Variants in PIN4 observed in about 807,000 individuals in gnomAD.
PIN4 encodes the protein peptidyl-prolyl cis-trans isomerase NIMA-interacting 4.
Under a neutral mutation model 8.3 loss-of-function variants are expected in PIN4, and 3 were observed. The observed-to-expected ratio is 0.36, with a 90% CI of 0.16 to 0.93. The LOEUF (loss-of-function observed/expected upper bound fraction) is 0.93. PIN4 is among the 40% of genes least tolerant of loss of function. PIN4 has a pLI of 0.44. For missense variants in PIN4, 75 were observed against 100.6 expected, an observed-to-expected ratio of 0.75 and a Z score of 1.09; for synonymous variants, 18 against 32.5, an observed-to-expected ratio of 0.55 and a Z score of 1.52.
chrX:72,258,554 A>G (rs1215402216), intron 3 of PIN4, among the ~76,000 whole-genome samples: 1 of 111,124 alleles, frequency 9.0e-6, no homozygotes, highest in Admixed American at 9.6e-5. Flanking sequence ...TCCCCTTTAT[A>G]TGGGACTGTT....
intron 3 of PIN4, among the ~76,000 whole-genome samples, chrX:72,231,465 A>T (rs1388373943): frequency 8.9e-6 from 1 of 111,787 alleles, no homozygotes; most frequent in Non-Finnish European, 1.9e-5. Context: ...TCAGTTAAAC[A>T]GGAGGAATAG....
intron 3 of PIN4, among the ~76,000 whole-genome samples, chrX:72,235,714 C>G (rs2043013751): frequency 1.8e-5 from 2 of 111,857 alleles, no homozygotes; most frequent in Non-Finnish European, 3.8e-5. Flanking sequence ...TTTAAGCACC[C>G]TGTGATTACA....
intron 1 of PIN4, among the ~76,000 whole-genome samples, chrX:72,184,292 A>T (rs2042687710): frequency 1.8e-5 from 2 of 111,912 alleles, no homozygotes; most frequent in Admixed American, 9.5e-5. Context: ...ACTGGGGTCA[A>T]GGGAGAGGTT....
In PIN4 at chrX:72,197,352, C is replaced by T; in HGVS notation, c.238-16C>T. ...TTCTGGGCCACTTGATATCACTTAT[C>T]TTTTGGGTTTTTCAGGGTGACTTGG... On this transcript the variant is annotated splice_polypyrimidine_tract_variant and intron_variant, in intron 3 of 3. Coordinates refer to ENST00000373669, the MANE Select transcript of PIN4 (RefSeq NM_006223.4). The T allele has an allele frequency of 8.4e-7, 1 of 1,192,969 alleles. No individual in the cohort carries two copies. Among genetic ancestry groups the T allele is most frequent in the Non-Finnish European group, 1.1e-6 (1 of 883,743 alleles).
At chrX:72,205,801 C>T (rs763231109) in intron 3 of PIN4, 2 of 1,212,079 alleles carry the variant, frequency 1.7e-6, no homozygotes, top group Non-Finnish European at 1.1e-6. Flanking sequence ...AAACCCTGCT[C>T]TGGAATTAGG....
chrX:72,189,645 C>G (rs1357707373), intron 2 of PIN4, among the ~76,000 whole-genome samples: 1 of 111,622 alleles, frequency 9.0e-6, no homozygotes, highest in Non-Finnish European at 1.9e-5. Context: ...ACATGACACT[C>G]AAAGTAAATG....
At chrX:72,261,052 C>G (rs756804080) in intron 3 of PIN4, among the ~76,000 whole-genome samples, 25 of 111,641 alleles carry the variant, frequency 2.2e-4, no homozygotes, top group Non-Finnish European at 3.8e-4. Flanking sequence ...AATCCCAACA[C>G]TTTGGGAGGC....
At chrX:72,181,881 A>G (rs1473325414) in intron 1 of PIN4, 53 bp downstream of exon 1, 1 of 736,184 alleles carries the variant, frequency 1.4e-6, no homozygotes, top group East Asian at 3.4e-5. Flanking sequence ...GAGCGAAGGG[A>G]GGGAACAGAC....
chrX:72,262,550 T>G (rs1227574995), intron 3 of PIN4, among the ~76,000 whole-genome samples: 1 of 112,503 alleles, frequency 8.9e-6, no homozygotes, highest in Non-Finnish European at 1.9e-5. Context: ...GGGCTGCATG[T>G]AGCACTTAAT....
chrX:72,251,032 G>A (rs1199749438), intron 3 of PIN4, among the ~76,000 whole-genome samples: 1 of 104,795 alleles, frequency 9.5e-6, no homozygotes, highest in African/African-American at 3.4e-5. Context: ...GAGCCACCAC[G>A]CCCGGCCTGG....
downstream of PIN4, among the ~76,000 whole-genome samples, chrX:72,198,510 C>T (rs2042777730): frequency 8.9e-6 from 1 of 112,257 alleles, no homozygotes; most frequent in African/African-American, 3.2e-5. Flanking sequence ...ATTTTCCCCA[C>T]GGAGCAGATA....
At chrX:72,246,064 G>A (rs1333258093) in intron 3 of PIN4, among the ~76,000 whole-genome samples, 1 of 111,075 alleles carries the variant, frequency 9.0e-6, no homozygotes, top group Non-Finnish European at 1.9e-5. Context: ...ATGGCAAAAT[G>A]GCTATAGGAC....
chrX:72,183,630 G>A (rs977773199), intron 1 of PIN4, among the ~76,000 whole-genome samples: 4 of 112,100 alleles, frequency 3.6e-5, no homozygotes, highest in Non-Finnish European at 7.5e-5. Flanking sequence ...CGTGACTAGA[G>A]AACTGACTGG....
intron 3 of PIN4, chrX:72,238,972 G>T: frequency 9.7e-7 from 1 of 1,032,364 alleles, no homozygotes; most frequent in Non-Finnish European, 1.3e-6. Flanking sequence ...CTTGGAGCTT[G>T]GAGCTTGGAG....
At chrX:72,190,508 G>C (rs991141510) in intron 2 of PIN4, among the ~76,000 whole-genome samples, 1 of 111,731 alleles carries the variant, frequency 9.0e-6, no homozygotes, top group African/African-American at 3.3e-5. Flanking sequence ...CCTTGAAAAC[G>C]TCTAGCTGGG....
chrX:72,226,998 G>T (rs929311063), intron 3 of PIN4, among the ~76,000 whole-genome samples: 3 of 111,787 alleles, frequency 2.7e-5, no homozygotes, highest in African/African-American at 6.5e-5. Context: ...CTTGCCAAAA[G>T]GCTTCACCCT....
At chrX:72,184,986 C>T (rs1423747173) in intron 1 of PIN4, among the ~76,000 whole-genome samples, 7 of 107,280 alleles carry the variant, frequency 6.5e-5, no homozygotes, top group Non-Finnish European at 1.2e-4. Context: ...ACTAAAAATA[C>T]AAAAAAAATT....
At chrX:72,243,475 C>A (rs2043057014) in intron 3 of PIN4, among the ~76,000 whole-genome samples, 2 of 109,820 alleles carry the variant, frequency 1.8e-5, no homozygotes, top group African/African-American at 6.6e-5. Context: ...TTAAAATACT[C>A]CAGTACAGAG....
downstream of PIN4, among the ~76,000 whole-genome samples, chrX:72,203,296 G>GTAA (rs1556396508): frequency 8.9e-6 from 1 of 111,829 alleles, no homozygotes; most frequent in African/African-American, 3.3e-5. Context: ...TAATAAGCTG[G>GTAA]TAATAGTAAG....
Sources: gnomAD v4.1 joint callset for allele counts (sites outside exome capture counted in the v4.1 genomes callset) on GRCh38, gnomAD v4.1.1 for gene constraint, MANE v1.5 for transcripts, NCBI Gene and HGNC (gene_info 2026-07-23, HGNC 2026-07-21) for gene names.